IPO5: variants seen among roughly 807,000 people sequenced by gnomAD.
The protein encoded by IPO5 is importin-5.
Under a neutral mutation model 143.3 loss-of-function variants are expected in IPO5, and 18 were observed. The ratio of observed to expected loss-of-function variants is 0.13; its 90% CI spans 0.09 to 0.19. The LOEUF (loss-of-function observed/expected upper bound fraction) is 0.19, where lower values mean the gene tolerates loss of function less well. IPO5 is among the 10% of genes least tolerant of loss of function. The pLI, the probability that IPO5 is intolerant of heterozygous loss-of-function variation, is 1.00. For synonymous variants in IPO5, 477 were observed against 465.7 expected, an observed-to-expected ratio of 1.02 and a Z score of -0.31; for missense variants, 1,013 against 1,336.9, an observed-to-expected ratio of 0.76 and a Z score of 3.78.
rs1236897051 is a variant in IPO5, at chr13:98,024,025, ATT to A, written c.*2204_*2205del. 1 of 152,134 alleles carries A rather than the reference ATT, an allele frequency of 6.6e-6. No homozygotes were observed. The highest frequency in any genetic ancestry group is 1.5e-5 in the Non-Finnish European group (1 of 68,032). 9.4% of individuals were successfully genotyped at this position (152,134 alleles called of 1,614,324 possible). A position where few individuals can be genotyped will look rare whatever the true frequency, so the allele number is the denominator to read the frequency against. On this transcript the variant is annotated 3_prime_UTR_variant, in exon 29 of 29. Coordinates refer to ENST00000651721, the MANE Select transcript of IPO5 (RefSeq NM_002271.6). ...TCTTGCATGTCAGCAAGTGATATATATTGTTTATAAATGCAAGCTATTTCTGG... is the reference window on the plus strand; with the variant it reads ...TCTTGCATGTCAGCAAGTGATATATAGTTTATAAATGCAAGCTATTTCTGG...
At chr13:97,956,509 G>A (rs1184610258) in intron 2 of IPO5, among the ~76,000 whole-genome samples, 1 of 152,082 alleles carries the variant, frequency 6.6e-6, no homozygotes, top group African/African-American at 2.4e-5. Context: ...CCTTAGGAAG[G>A]TCTTCCCTGG....
chr13:97,958,402 C>A (rs1434103496), intron 2 of IPO5, among the ~76,000 whole-genome samples: 1 of 152,106 alleles, frequency 6.6e-6, no homozygotes, highest in Non-Finnish European at 1.5e-5. Flanking sequence ...GTCACAAAAC[C>A]TGGGCATTCT....
chr13:98,015,705 A>T (rs772375326), intron 23 of IPO5, 21 bp from the exon 24 acceptor site: 11 of 1,605,078 alleles, frequency 6.9e-6, no homozygotes, highest in Non-Finnish European at 9.4e-6. Flanking sequence ...CATTTAAAAC[A>T]TTTATTTGGG....
intron 3 of IPO5, among the ~76,000 whole-genome samples, chr13:97,974,377 G>A (rs2139581213): frequency 6.6e-6 from 1 of 151,460 alleles, no homozygotes; most frequent in Admixed American, 6.6e-5. Flanking sequence ...CACGATCTCG[G>A]CTCACTGTAA....
rs527870260 is a variant in IPO5, at chr13:97,980,057, G to A, written c.91-2446G>A. ...TTGCATTGTGTAAATTGTATAAGGT[G>A]GAATCAAATCAAATTGAAATTTTGT... is the stretch of plus-strand genomic sequence containing the variant. On this transcript the variant is annotated intron_variant, in intron 4 of 28. Coordinates refer to ENST00000651721, the MANE Select transcript of IPO5 (RefSeq NM_002271.6). 13 of 392,302 alleles carry A rather than the reference G, an allele frequency of 3.3e-5. No homozygotes were observed. In the East Asian group the frequency reaches 8.8e-4, roughly 27 times the overall value. 24.3% of individuals were successfully genotyped at this position (392,302 alleles called of 1,614,324 possible). A position where few individuals can be genotyped will look rare whatever the true frequency, so the allele number is the denominator to read the frequency against.
chr13:98,012,809 T>TTTTTTG, intron 21 of IPO5, among the ~76,000 whole-genome samples: 1 of 146,678 alleles, frequency 6.8e-6, no homozygotes, highest in East Asian at 2.4e-4. Context: ...TGATTTTTTT[T>TTTTTTG]TTTTTTTTTT....
At chr13:97,983,965 C>CTT (rs71117684) in intron 5 of IPO5, among the ~76,000 whole-genome samples, 3,229 of 45,854 alleles carry the variant, frequency 0.07, 951 homozygotes, top group Admixed American at 0.1. Flanking sequence ...AGGGTAACTT[C>CTT]TTTTTTTTTT....
intron 2 of IPO5, among the ~76,000 whole-genome samples, chr13:97,959,075 G>A (rs1340439323): frequency 6.6e-6 from 1 of 151,968 alleles, no homozygotes; most frequent in Non-Finnish European, 1.5e-5. Context: ...GGGAGGCTGA[G>A]GCAAGAGAAT....
At chr13:98,014,553 T>C (rs1480091976) in intron 22 of IPO5, among the ~76,000 whole-genome samples, 2 of 152,302 alleles carry the variant, frequency 1.3e-5, no homozygotes, top group African/African-American at 4.8e-5. Context: ...GCTAAATAAA[T>C]TTTTATATGC....
chr13:97,969,689 C>CTAA, intron 2 of IPO5, 34 bp from the exon 3 acceptor site: 1 of 896,554 alleles, frequency 1.1e-6, no homozygotes, highest in Non-Finnish European at 1.9e-6. Flanking sequence ...TAAGTACCAT[C>CTAA]TAATGGTCCA....
chr13:97,973,274 C>T (rs967568689), intron 3 of IPO5, among the ~76,000 whole-genome samples: 4 of 152,072 alleles, frequency 2.6e-5, no homozygotes, highest in African/African-American at 9.7e-5. Flanking sequence ...TCTCAAACTC[C>T]TGACCTCAGG....
chr13:97,962,532 G>C (rs1354753741), intron 2 of IPO5, among the ~76,000 whole-genome samples: 1 of 151,810 alleles, frequency 6.6e-6, no homozygotes, highest in African/African-American at 2.4e-5. Context: ...ATAAGAAATA[G>C]ATGGATGGGC....
intron 21 of IPO5, among the ~76,000 whole-genome samples, chr13:98,013,812 G>A (rs1474791345): frequency 1.3e-5 from 2 of 152,048 alleles, no homozygotes; most frequent in African/African-American, 2.4e-5. Flanking sequence ...GTTTACATTT[G>A]AGCAATAGGC....
At chr13:97,973,834 C>A (rs1013177320) in intron 3 of IPO5, among the ~76,000 whole-genome samples, 4 of 152,122 alleles carry the variant, frequency 2.6e-5, no homozygotes, top group Admixed American at 1.3e-4. Flanking sequence ...CTTTGGGAGG[C>A]CAAAGTGGGA....
chr13:97,966,716 G>A (rs1016088439), intron 2 of IPO5, among the ~76,000 whole-genome samples: 2 of 152,114 alleles, frequency 1.3e-5, no homozygotes, highest in South Asian at 2.1e-4. Flanking sequence ...AAAGTCATCT[G>A]GTCTGGGATT....
At chr13:97,962,698 A>G (rs1291114298) in intron 2 of IPO5, among the ~76,000 whole-genome samples, 1 of 152,008 alleles carries the variant, frequency 6.6e-6, no homozygotes, top group African/African-American at 2.4e-5. Context: ...GCACATCCGT[A>G]GTCCCAGCTG....
chr13:98,023,064 G>GT lies in IPO5; in HGVS notation c.*1242_*1243insT, dbSNP rs1890587588. 2.0e-5 allele frequency: 3 copies of GT among 152,506 alleles called. No individual in the cohort carries two copies. The highest frequency in any genetic ancestry group is 7.2e-5 in the African/African-American group (3 of 41,398). The allele number at this position is 152,506 out of a possible 1,614,324, so 9.4% of individuals were successfully genotyped here. The stretch of plus-strand genomic sequence containing the variant: ...GCATAGATCAGAATTTTAAATTAAA[G>GT]GTTTTTTCTTTAAATGATTTGTATT... On this transcript the variant is annotated 3_prime_UTR_variant, in exon 29 of 29. Transcript: ENST00000651721.
intron 3 of IPO5, among the ~76,000 whole-genome samples, chr13:97,971,676 C>T (rs143808487): frequency 2.0e-5 from 3 of 152,120 alleles, no homozygotes; most frequent in South Asian, 2.1e-4. Context: ...AGGCCAGGCG[C>T]GGTGGCTCAA....
chr13:98,005,577 A>G (rs1889170816), intron 16 of IPO5, among the ~76,000 whole-genome samples: 1 of 152,044 alleles, frequency 6.6e-6, no homozygotes. Context: ...ATTTGTTACT[A>G]GCTGGGTCAG....
Sources: allele counts gnomAD v4.1 joint callset (sites outside exome capture counted in the v4.1 genomes callset), GRCh38; gene constraint gnomAD v4.1.1; transcripts MANE v1.5; gene names NCBI Gene and HGNC (gene_info 2026-07-23, HGNC 2026-07-21).